Variants in SPAG16 observed in about 807,000 individuals in gnomAD.
SPAG16 encodes sperm-associated antigen 16 protein.
A neutral mutation model predicts 80.4 loss-of-function variants in SPAG16; 86 were observed. The ratio of observed to expected loss-of-function variants is 1.07; its 90% CI spans 0.90 to 1.28. The LOEUF (loss-of-function observed/expected upper bound fraction) is 1.28, where lower values mean the gene tolerates loss of function less well. SPAG16 is among the 50% of genes most tolerant of loss of function. The pLI, the probability that SPAG16 is intolerant of heterozygous loss-of-function variation, is 0.00. For missense variants in SPAG16, 870 were observed against 765.3 expected (o/e 1.14, Z -1.61); for synonymous variants, 294 against 265.9 (o/e 1.11, Z -1.03).
chr2:213,446,385 A>C lies in SPAG16; in HGVS notation c.943-43578A>C, dbSNP rs145634973. On this transcript the variant is annotated intron_variant, in intron 9 of 15. Coordinates refer to ENST00000331683, the MANE Select transcript of SPAG16 (RefSeq NM_024532.5). ...AGTTTAAAGATGGCATAGCCATTTT[A>C]AGAAAGAGCCAAACTGAACTTCAGG... Among the ~76,000 whole-genome samples the C allele has an allele frequency of 9.5e-3, 1,441 of 152,352 alleles. 13 individuals are homozygous for C. Among genetic ancestry groups the C allele is most frequent in the Middle Eastern group, 0.031 (9 of 294 alleles).
chr2:213,932,848 C>T (rs772728258), intron 12 of SPAG16, among the ~76,000 whole-genome samples: 8 of 152,080 alleles, frequency 5.3e-5, no homozygotes, highest in Non-Finnish European at 1.0e-4. Flanking sequence ...TAATTCCATA[C>T]TCTACAAGGT....
At chr2:214,365,659 C>A (rs774196429) in intron 15 of SPAG16, among the ~76,000 whole-genome samples, 1 of 152,090 alleles carries the variant, frequency 6.6e-6, no homozygotes, top group Non-Finnish European at 1.5e-5. Flanking sequence ...ATAAAGGTGA[C>A]TGATGCTCAT....
chr2:214,195,974 T>A (rs557975396), intron 15 of SPAG16, among the ~76,000 whole-genome samples: 1 of 152,138 alleles, frequency 6.6e-6, no homozygotes, highest in Admixed American at 6.6e-5. Context: ...CAGTACCTAG[T>A]GGTCTTTCTA....
chr2:214,176,290 AC>A (rs2057077523), intron 15 of SPAG16, among the ~76,000 whole-genome samples: 3 of 150,906 alleles, frequency 2.0e-5, no homozygotes, highest in East Asian at 3.9e-4. Context: ...TAAAAAAAAA[AC>A]AATATTATTG....
chr2:214,074,161 G>C (rs1170421505), intron 13 of SPAG16, among the ~76,000 whole-genome samples: 1 of 152,094 alleles, frequency 6.6e-6, no homozygotes, highest in African/African-American at 2.4e-5. Context: ...TCCAGAAGAG[G>C]GCCCTCACCA....
At chr2:213,447,725 G>A (rs971156121) in intron 9 of SPAG16, among the ~76,000 whole-genome samples, 1 of 152,190 alleles carries the variant, frequency 6.6e-6, no homozygotes, top group South Asian at 2.1e-4. Flanking sequence ...CCTTTGTGCT[G>A]TTAGTAGGAA....
chr2:214,025,119 G>A (rs1402398722), intron 13 of SPAG16, among the ~76,000 whole-genome samples: 1 of 151,452 alleles, frequency 6.6e-6, no homozygotes, highest in Admixed American at 6.6e-5. Context: ...TATTTATTTG[G>A]AAATCAAAAA....
At chr2:213,884,005 A>G (rs774457078) in intron 11 of SPAG16, among the ~76,000 whole-genome samples, 37 of 152,082 alleles carry the variant, frequency 2.4e-4, no homozygotes, top group Non-Finnish European at 4.9e-4. Flanking sequence ...GCCCATTTAC[A>G]TTCGGGATTA....
intron 13 of SPAG16, among the ~76,000 whole-genome samples, chr2:214,033,916 T>A (rs1456668785): frequency 1.3e-5 from 2 of 152,224 alleles, no homozygotes; most frequent in Admixed American, 1.3e-4. Context: ...TTTTCAAATT[T>A]GTTAACCTGC....
chr2:213,931,517 A>G (rs2078750435), intron 12 of SPAG16, among the ~76,000 whole-genome samples: 1 of 152,162 alleles, frequency 6.6e-6, no homozygotes, highest in African/African-American at 2.4e-5. Context: ...TGAATTTTGT[A>G]TCACTTTTGA....
At chr2:213,321,367 C>A (rs2063601635) in intron 5 of SPAG16, among the ~76,000 whole-genome samples, 1 of 151,950 alleles carries the variant, frequency 6.6e-6, no homozygotes, top group African/African-American at 2.4e-5. Context: ...GAATTACTCC[C>A]AGTTTTCTTA....
intron 10 of SPAG16, among the ~76,000 whole-genome samples, chr2:213,512,793 G>T (rs867392577): frequency 1.3e-5 from 2 of 151,868 alleles, no homozygotes; most frequent in East Asian, 3.9e-4. Context: ...CATTTCCTGC[G>T]TTTATTGGGA....
At chr2:213,710,531 A>G (rs2065938063) in intron 10 of SPAG16, among the ~76,000 whole-genome samples, 2 of 152,170 alleles carry the variant, frequency 1.3e-5, no homozygotes, top group South Asian at 4.1e-4. Context: ...TGGGAATCAC[A>G]TTGTATGGCT....
chr2:213,362,834 A>G (rs887738185), intron 7 of SPAG16, among the ~76,000 whole-genome samples: 3 of 152,194 alleles, frequency 2.0e-5, no homozygotes, highest in African/African-American at 7.2e-5. Flanking sequence ...ATGGTTCTGC[A>G]GGCTGTAGAA....
intron 3 of SPAG16, among the ~76,000 whole-genome samples, chr2:213,303,733 G>A (rs2062836914): frequency 6.6e-6 from 1 of 152,080 alleles, no homozygotes; most frequent in South Asian, 2.1e-4. Context: ...TGGCTGAATA[G>A]TACTTTATTA....
chr2:213,436,174 A>AT (rs1481733305), intron 9 of SPAG16, among the ~76,000 whole-genome samples: 1 of 152,150 alleles, frequency 6.6e-6, no homozygotes, highest in Non-Finnish European at 1.5e-5. Flanking sequence ...ATTTAATCAC[A>AT]TTTTTCTACA....
chr2:213,836,877 G>A (rs1192552423), intron 10 of SPAG16, among the ~76,000 whole-genome samples: 5 of 152,138 alleles, frequency 3.3e-5, no homozygotes, highest in African/African-American at 4.8e-5. Context: ...GCCTCCCAAA[G>A]TGTTGGGATT....
At chr2:213,947,782 GTTCTA>G (rs1247672948) in intron 12 of SPAG16, among the ~76,000 whole-genome samples, 1 of 152,040 alleles carries the variant, frequency 6.6e-6, no homozygotes, top group Non-Finnish European at 1.5e-5. Context: ...CTGGTTCTCT[GTTCTA>G]TTCTACTGAT....
At chr2:214,025,313 A>G (rs1308179070) in intron 13 of SPAG16, among the ~76,000 whole-genome samples, 1 of 151,634 alleles carries the variant, frequency 6.6e-6, no homozygotes, top group Non-Finnish European at 1.5e-5. Flanking sequence ...CTAAGTGACT[A>G]CAATTCATTG....
Sources: gnomAD v4.1 joint callset for allele counts (sites outside exome capture counted in the v4.1 genomes callset) on GRCh38, gnomAD v4.1.1 for gene constraint, MANE v1.5 for transcripts, NCBI Gene and HGNC (gene_info 2026-07-23, HGNC 2026-07-21) for gene names.